VAV3: variants seen among roughly 807,000 people sequenced by gnomAD.
VAV3 encodes vav guanine nucleotide exchange factor 3, also known as guanine nucleotide exchange factor VAV3.
In VAV3, 94 loss-of-function variants were observed where a neutral mutation model predicts 131.2. The observed-to-expected ratio is 0.72, with a 90% CI of 0.61 to 0.85. VAV3 has a LOEUF of 0.85. VAV3 is among the 40% of genes least tolerant of loss of function. The pLI, the probability that VAV3 is intolerant of heterozygous loss-of-function variation, is 0.00. For synonymous variants in VAV3, 349 were observed against 342.0 expected (o/e 1.02, Z -0.22); for missense variants, 939 against 1,002.7 (o/e 0.94, Z 0.86).
chr1:107,847,206 T>C (rs1049666273), intron 2 of VAV3, among the ~76,000 whole-genome samples: 6 of 151,990 alleles, frequency 3.9e-5, no homozygotes, highest in African/African-American at 9.7e-5. Flanking sequence ...CCAAAATAAA[T>C]AAGTTCTTTG....
At chr1:107,792,029 T>G (rs1471950707) in intron 2 of VAV3, among the ~76,000 whole-genome samples, 2 of 152,212 alleles carry the variant, frequency 1.3e-5, no homozygotes, top group Non-Finnish European at 2.9e-5. Context: ...TTTGAATCTT[T>G]AATTACAATT....
intron 1 of VAV3, among the ~76,000 whole-genome samples, chr1:107,919,394 A>T (rs12727883): frequency 1.9e-3 from 295 of 152,344 alleles, no homozygotes; most frequent in Admixed American, 6.3e-3. Context: ...CATGTGGCTG[A>T]TAAGTTCTGA....
At chr1:107,692,671 T>C (rs1659498953) in intron 17 of VAV3, among the ~76,000 whole-genome samples, 2 of 152,162 alleles carry the variant, frequency 1.3e-5, no homozygotes, top group South Asian at 2.1e-4. Flanking sequence ...TAGCAGTCTC[T>C]CAGTTTTAAA....
intron 2 of VAV3, among the ~76,000 whole-genome samples, chr1:107,819,506 C>CAA (rs113258345): frequency 0.012 from 1,421 of 122,754 alleles, 11 homozygotes; most frequent in African/African-American, 0.021. Context: ...GACTCTGTCT[C>CAA]AAAAAAAAAA....
At chr1:107,772,092 G>C (rs2102189076) in intron 5 of VAV3, among the ~76,000 whole-genome samples, 1 of 152,292 alleles carries the variant, frequency 6.6e-6, no homozygotes, top group Middle Eastern at 3.4e-3. Flanking sequence ...ACAAGAAAAA[G>C]TTATTAAGAA....
intron 1 of VAV3, among the ~76,000 whole-genome samples, chr1:107,944,485 C>G (rs1674153146): frequency 6.6e-6 from 1 of 152,152 alleles, no homozygotes; most frequent in Non-Finnish European, 1.5e-5. Flanking sequence ...TCTCTTATAA[C>G]CTGAATTCTT....
At chr1:107,949,376 TC>T (rs1674426548) in intron 1 of VAV3, among the ~76,000 whole-genome samples, 1 of 152,148 alleles carries the variant, frequency 6.6e-6, no homozygotes, top group Admixed American at 6.5e-5. Context: ...AGTGGCATGA[TC>T]ATGGCTCACT....
chr1:107,603,954 T>A (rs1237903134), intron 22 of VAV3, among the ~76,000 whole-genome samples: 2 of 152,120 alleles, frequency 1.3e-5, no homozygotes, highest in South Asian at 4.2e-4. Flanking sequence ...ACCGGTGTGG[T>A]TGATATTTTT....
chr1:107,802,999 T>C lies in VAV3; in HGVS notation c.322-23507A>G, dbSNP rs551242688. Among the ~76,000 whole-genome samples the C allele has an allele frequency of 8.5e-5, 13 of 152,122 alleles. No individual in the cohort carries two copies. The South Asian group carries it at 2.7e-3, about 32-fold the overall frequency. On this transcript the variant is annotated intron_variant, in intron 2 of 26. Coordinates refer to ENST00000370056, the MANE Select transcript of VAV3 (RefSeq NM_006113.5). The stretch of plus-strand genomic sequence containing the variant: ...CTTTTCTTTAATGAGAGACTTTTTA[T>C]TACGGCTTCAATCTTGTTGCTCCTT...
At chr1:107,942,396 C>A (rs1436461023) in intron 1 of VAV3, among the ~76,000 whole-genome samples, 1 of 152,186 alleles carries the variant, frequency 6.6e-6, no homozygotes, top group Non-Finnish European at 1.5e-5. Flanking sequence ...CTTGGCCTTA[C>A]AAATCATACT....
At chr1:107,754,395 G>A (rs962312858) in intron 12 of VAV3, among the ~76,000 whole-genome samples, 1 of 152,190 alleles carries the variant, frequency 6.6e-6, no homozygotes, top group Non-Finnish European at 1.5e-5. Flanking sequence ...GGTTCACAAT[G>A]TTTCAGAGAA....
chr1:107,785,214 G>A (rs945936240), intron 2 of VAV3, among the ~76,000 whole-genome samples: 1 of 152,176 alleles, frequency 6.6e-6, no homozygotes, highest in Non-Finnish European at 1.5e-5. Flanking sequence ...ATCTAAGCAG[G>A]AGCAGTATGT....
intron 19 of VAV3, among the ~76,000 whole-genome samples, chr1:107,655,543 C>T (rs1209186812): frequency 6.6e-6 from 1 of 152,084 alleles, no homozygotes; most frequent in African/African-American, 2.4e-5. Flanking sequence ...CACAGAAATG[C>T]TCCAGGACAC....
At chr1:107,948,945 C>G (rs971358464) in intron 1 of VAV3, among the ~76,000 whole-genome samples, 1 of 152,170 alleles carries the variant, frequency 6.6e-6, no homozygotes, top group Non-Finnish European at 1.5e-5. Flanking sequence ...TTTTTAATTA[C>G]TGAATCCATG....
At chr1:107,895,057 G>A (rs2101070452) in intron 1 of VAV3, among the ~76,000 whole-genome samples, 1 of 152,252 alleles carries the variant, frequency 6.6e-6, no homozygotes, top group East Asian at 1.9e-4. Context: ...GAGAAGCTGG[G>A]GGAATGAGGA....
At chr1:107,585,757 A>G (rs1650432267) in intron 25 of VAV3, among the ~76,000 whole-genome samples, 1 of 152,198 alleles carries the variant, frequency 6.6e-6, no homozygotes, top group Non-Finnish European at 1.5e-5. Flanking sequence ...ACAACACACA[A>G]TCAGAGAAGT....
chr1:107,887,793 G>A lies in VAV3; in HGVS notation c.205-12776C>T, dbSNP rs551990523. On this transcript the variant is annotated intron_variant, in intron 1 of 26. Coordinates refer to ENST00000370056, the MANE Select transcript of VAV3 (RefSeq NM_006113.5). ...TATTTGGCCCTCTCTGATGTTTCAT[G>A]ACCCACAGGTGCTTTGATCTCCTTA... Among the ~76,000 whole-genome samples the A allele has an allele frequency of 5.3e-5, 8 of 152,160 alleles. No homozygotes were observed. The South Asian group carries it at 1.2e-3, about 24-fold the overall frequency.
At chr1:107,958,552 C>G (rs1291828362) in intron 1 of VAV3, among the ~76,000 whole-genome samples, 1 of 152,132 alleles carries the variant, frequency 6.6e-6, no homozygotes, top group African/African-American at 2.4e-5. Context: ...CAATCAATGA[C>G]TCTAAGTTCA....
At chr1:107,813,114 G>A (rs1254690794) in intron 2 of VAV3, among the ~76,000 whole-genome samples, 47 of 71,368 alleles carry the variant, frequency 6.6e-4, no homozygotes, top group Non-Finnish European at 4.9e-4. Context: ...GCCAGACTCC[G>A]TCTCAAAAAA....
Sources: gnomAD v4.1 joint callset for allele counts (sites outside exome capture counted in the v4.1 genomes callset) on GRCh38, gnomAD v4.1.1 for gene constraint, MANE v1.5 for transcripts, NCBI Gene and HGNC (gene_info 2026-07-23, HGNC 2026-07-21) for gene names.